SAMD14: variants seen among roughly 807,000 people sequenced by gnomAD.
SAMD14 encodes sterile alpha motif domain containing 14, also known as sterile alpha motif domain-containing protein 14.
In SAMD14, 27 loss-of-function variants were observed where a neutral mutation model predicts 46.2. The observed-to-expected ratio is 0.58, with a 90% CI of 0.43 to 0.81. The LOEUF is 0.81. SAMD14 is among the 30% of genes least tolerant of loss of function. SAMD14 has a pLI of 0.00. For missense variants in SAMD14, 559 were observed against 582.2 expected (o/e 0.96, Z 0.41); for synonymous variants, 241 against 254.3 (o/e 0.95, Z 0.50).
intron 1 of SAMD14, 95 bp from the exon 2 acceptor site, chr17:50,125,066 C>T: frequency 8.9e-7 from 1 of 1,129,502 alleles, no homozygotes; most frequent in East Asian, 2.4e-5. Context: ...CTACCTGCTC[C>T]AGGCCTGTTG....
At chr17:50,116,221 TG>T (rs1189138390) in intron 4 of SAMD14, 131 bp from the exon 5 acceptor site, 61 of 1,413,342 alleles carry the variant, frequency 4.3e-5, no homozygotes, top group Non-Finnish European at 5.6e-5. Flanking sequence ...CTTCACTAGC[TG>T]GGTGTCCTAG....
chr17:50,129,739 C>A lies in SAMD14; in HGVS notation c.-235G>T, dbSNP rs1402807998. On this transcript the variant is annotated 5_prime_UTR_variant, in exon 1 of 10. Transcript: ENST00000330175. The surrounding 1 kb of genome is among the most constrained non-coding windows in gnomAD (Gnocchi z 5.6). ...GGGCGGGGGATGTGGGGAGAGGGAA[C>A]AGGTTCGCTGGAAGCAGGAGGCGCG... The A allele has an allele frequency of 3.3e-5, 5 of 152,630 alleles. No individual in the cohort carries two copies. Among genetic ancestry groups the A allele is most frequent in the African/African-American group, 1.2e-4 (5 of 41,306 alleles). The allele number at this position is 152,630 out of a possible 1,614,324, so 9.5% of individuals were successfully genotyped here. A position where few individuals can be genotyped will look rare whatever the true frequency, so the allele number is the denominator to read the frequency against.
At chr17:50,128,515 C>CACAT (rs1430906030) in intron 1 of SAMD14, among the ~76,000 whole-genome samples, 15 of 135,874 alleles carry the variant, frequency 1.1e-4, no homozygotes, top group African/African-American at 4.3e-4. Context: ...CACACACACC[C>CACAT]CCATTCAGCC....
Position 50,118,279 on chromosome 17 carries a change from T to G in SAMD14, c.92A>C (p.His31Pro). ...GGCCAACAGTTGGGCCCGGGCCTTG[T>G]GTAAACTGCTGTCCAGTCTGGCCGT... ...PETARLDSSLHKARAQLLAKG... is the reference protein window; with the variant it reads ...PETARLDSSLPKARAQLLAKG... Residue 31 changes from histidine (H) to proline (P), a missense_variant, in exon 3 of 10, where the codon CAC becomes CCC. By Grantham distance (77) the His-to-Pro change is moderately conservative. Transcript: ENST00000330175. The G allele has an allele frequency of 1.2e-6, 2 of 1,613,950 alleles. No individual in the cohort carries two copies. Among genetic ancestry groups the G allele is most frequent in the Non-Finnish European group, 1.7e-6 (2 of 1,180,010 alleles).
In SAMD14 at chr17:50,113,018, C is replaced by G. The variant is rs1446359869; in HGVS notation, c.1129G>C (p.Ala377Pro). The change falls in exon 10 of 10, where the codon GCA becomes CCA. Residue 377 changes from alanine to proline, a missense_variant. By Grantham distance (27) the Ala-to-Pro change is conservative. Transcript: ENST00000330175. ...SLGLSNSHDRALVKRKLKEMA... is the reference protein window; with the variant it reads ...SLGLSNSHDRPLVKRKLKEMA... Reference sequence around the variant, plus strand: ...TCCTTCAACTTGCGCTTCACCAGTGCCCGGTCATGAGAGTTGCTGAGCCCC... The same window carrying G: ...TCCTTCAACTTGCGCTTCACCAGTGGCCGGTCATGAGAGTTGCTGAGCCCC... 1.9e-6 allele frequency: 3 copies of G among 1,612,522 alleles called. No homozygotes were observed. The highest frequency in any genetic ancestry group is 2.5e-6 in the Non-Finnish European group (3 of 1,179,990).
intron 7 of SAMD14, 129 bp from the exon 8 acceptor site, chr17:50,114,435 C>G (rs768322915): frequency 1.2e-6 from 2 of 1,613,162 alleles, no homozygotes; most frequent in South Asian, 2.2e-5. Flanking sequence ...GAGCCAGGAG[C>G]TGGGCCTGCA....
intron 2 of SAMD14, among the ~76,000 whole-genome samples, chr17:50,120,277 T>C (rs558468149): frequency 6.6e-6 from 1 of 151,892 alleles, no homozygotes; most frequent in African/African-American, 2.4e-5. Flanking sequence ...CATACTCCTA[T>C]ACATGCGTAC....
chr17:50,127,491 C>T (rs752842549), intron 1 of SAMD14, among the ~76,000 whole-genome samples: 3 of 152,040 alleles, frequency 2.0e-5, no homozygotes, highest in Admixed American at 6.6e-5. Context: ...ATCCCAGCTA[C>T]TCGGGAGACA....
Position 50,110,280 on chromosome 17 carries a change from G to A in SAMD14, c.*2613C>T. 5 of 558,350 alleles carry A rather than the reference G, an allele frequency of 9.0e-6. No individual in the cohort carries two copies. Among genetic ancestry groups the A allele is most frequent in the East Asian group, 3.3e-5 (1 of 30,070 alleles). The allele number at this position is 558,350 out of a possible 1,614,324, so 34.6% of individuals were successfully genotyped here. Reference sequence around the variant, plus strand: ...GGTCCCTAAGTGCCAGTCCATCTCTGTGGAGACCCCTCGGTGGCCTCCCTA... The same window carrying A: ...GGTCCCTAAGTGCCAGTCCATCTCTATGGAGACCCCTCGGTGGCCTCCCTA... On this transcript the variant is annotated 3_prime_UTR_variant, in exon 10 of 10. Transcript: ENST00000330175.
In SAMD14 at chr17:50,115,218, C is replaced by T. The variant is rs932874605; in HGVS notation, c.822+346G>A. ...GGCCTCACCCTACCAAGCAGGTGGC[C>T]CAGCTCCTCACACAGGAGTGGGGTT... On this transcript the variant is annotated intron_variant, in intron 7 of 9. Transcript: ENST00000330175. This position sits in a 1 kb window ranked among gnomAD's most constrained non-coding sequence, Gnocchi z 5.3. Among the ~76,000 whole-genome samples the T allele has an allele frequency of 6.6e-6, 1 of 152,110 alleles. No homozygotes were observed. The highest frequency in any genetic ancestry group is 2.4e-5 in the African/African-American group (1 of 41,424).
At chr17:50,113,146 G>T in intron 9 of SAMD14, 98 bp from the exon 10 acceptor site, 2 of 1,415,068 alleles carry the variant, frequency 1.4e-6, no homozygotes, top group Non-Finnish European at 9.5e-7. Flanking sequence ...ACTCTGTGGA[G>T]CTCCAAATCC....
At chr17:50,126,327 CG>C (rs1257736853) in intron 1 of SAMD14, among the ~76,000 whole-genome samples, 40 of 137,358 alleles carry the variant, frequency 2.9e-4, no homozygotes, top group African/African-American at 1.2e-3. Context: ...TTTTTTGAGA[CG>C]GAGTCTCACT....
In SAMD14 at chr17:50,117,709, C is replaced by A. The variant is rs1408672341; in HGVS notation, c.211-14G>T. 4.2e-6 allele frequency: 6 copies of A among 1,425,952 alleles called. No individual in the cohort carries two copies. Among genetic ancestry groups the A allele is most frequent in the Admixed American group, 5.6e-5 (2 of 35,746 alleles). The allele number at this position is 1,425,952 out of a possible 1,614,324, so 88.3% of individuals were successfully genotyped here. A position where few individuals can be genotyped will look rare whatever the true frequency, so the allele number is the denominator to read the frequency against. On this transcript the variant is annotated splice_polypyrimidine_tract_variant and intron_variant, in intron 3 of 9. Transcript: ENST00000330175. ...GCCATCGGTCACCTGGACGAGGGGG[C>A]AGCCGCTCACCGAGAACCCTCCTCC... is the stretch of plus-strand genomic sequence containing the variant.
At position 50,114,034 on chromosome 17, in the gene SAMD14, G is replaced by T; in HGVS notation, c.988C>A (p.Gln330Lys). The change falls in exon 9 of 10, where the codon CAG becomes AAG. Residue 330 changes from glutamine (Q) to lysine (K), a missense_variant. Coordinates refer to ENST00000330175, the MANE Select transcript of SAMD14 (RefSeq NM_001257359.2). ...AGGCTCTGCAGCCACTGGCCCACCTGCTGGCTGGTCCAGTGGTGGACAGGG... is the reference window on the plus strand; with the variant it reads ...AGGCTCTGCAGCCACTGGCCCACCTTCTGGCTGGTCCAGTGGTGGACAGGG... ...LPPVHHWTSQ[Q>K]VGQWLQSLNL... 4 of 1,613,704 alleles carry T rather than the reference G, an allele frequency of 2.5e-6. No individual in the cohort carries two copies. Among genetic ancestry groups the T allele is most frequent in the Non-Finnish European group, 3.4e-6 (4 of 1,180,010 alleles).
intron 2 of SAMD14, among the ~76,000 whole-genome samples, chr17:50,119,434 T>C (rs559297192): frequency 1.3e-5 from 2 of 152,140 alleles, no homozygotes; most frequent in Non-Finnish European, 2.9e-5. Flanking sequence ...CTGTCACTCA[T>C]GCCCACCCTG....
In SAMD14 at chr17:50,124,129, ACTC is replaced by A. The variant is rs1176137619; in HGVS notation, c.43+785_43+787del. 7.0e-5 allele frequency: 32 copies of A among 455,756 alleles called. No homozygotes were observed. In the Admixed American group the frequency reaches 7.5e-4, roughly 11 times the overall value. The allele number at this position is 455,756 out of a possible 1,614,324, so 28.2% of individuals were successfully genotyped here. The stretch of plus-strand genomic sequence containing the variant: ...GTTCCTTTGCTCAGGACTCCTCCTG[ACTC>A]CTCCACCGGAATCCCGCTGGGAAAC... On this transcript the variant is annotated intron_variant, in intron 2 of 9. Coordinates refer to ENST00000330175, the MANE Select transcript of SAMD14 (RefSeq NM_001257359.2).
At chr17:50,117,975 A>G (rs1342238484) in intron 3 of SAMD14, 186 bp downstream of exon 3, 2 of 723,168 alleles carry the variant, frequency 2.8e-6, no homozygotes, top group African/African-American at 3.7e-5. Context: ...AATGGGGCTA[A>G]TAATATCTTC....
In SAMD14 at chr17:50,117,497, C is replaced by A. The variant is rs747482756; in HGVS notation, c.409G>T (p.Ala137Ser). The A allele has an allele frequency of 6.2e-6, 9 of 1,450,796 alleles. No individual in the cohort carries two copies. The East Asian group carries it at 2.3e-4, about 37-fold the overall frequency. 89.9% of individuals were successfully genotyped at this position (1,450,796 alleles called of 1,614,324 possible). The change falls in exon 4 of 10, where the codon GCC becomes TCC. Residue 137 changes from alanine to serine, a missense_variant. Coordinates refer to ENST00000330175, the MANE Select transcript of SAMD14 (RefSeq NM_001257359.2). ...NAASHEGLAA[A>S]SCSPPRSAPS... ...GCGGAGCGCGGCGGAGAGCAGGAGG[C>A]GGCGGCCAGGCCCTCGTGCGACGCA...
intron 2 of SAMD14, among the ~76,000 whole-genome samples, chr17:50,119,071 A>G (rs982551056): frequency 1.3e-4 from 20 of 152,138 alleles, no homozygotes; most frequent in Admixed American, 1.3e-4. Context: ...GAGCATCTAG[A>G]GGGCTTGCAG....
Sources: gnomAD v4.1 joint callset for allele counts (sites outside exome capture counted in the v4.1 genomes callset) on GRCh38, gnomAD v4.1.1 for gene constraint, Gnocchi (gnomAD v3.1) non-coding constraint, MANE v1.5 for transcripts, NCBI Gene and HGNC (gene_info 2026-07-23, HGNC 2026-07-21) for gene names.